DROSHA: variants seen among roughly 807,000 people sequenced by gnomAD.
DROSHA encodes drosha ribonuclease III.
A neutral mutation model predicts 181.9 loss-of-function variants in DROSHA; 56 were observed. That is an observed-to-expected ratio of 0.31 (90% confidence interval 0.25 to 0.38). DROSHA has a LOEUF of 0.38. DROSHA is among the 10% of genes least tolerant of loss of function. DROSHA has a pLI of 1.00. For missense variants in DROSHA, 1,218 were observed against 1,743.5 expected (o/e 0.70, Z 5.37); for synonymous variants, 524 against 591.2 (o/e 0.89, Z 1.65).
chr5:31,449,462 A>C, intron 21 of DROSHA, 43 bp from the exon 22 acceptor site: 1 of 1,537,010 alleles, frequency 6.5e-7, no homozygotes, highest in South Asian at 1.2e-5. Flanking sequence ...AAACAGCATA[A>C]ACTGGGTGCA....
intron 30 of DROSHA, among the ~76,000 whole-genome samples, chr5:31,414,608 G>A (rs1741736980): frequency 6.6e-6 from 1 of 152,170 alleles, no homozygotes. Flanking sequence ...AATTAGAGTG[G>A]ATGACATATA....
Position 31,409,473 on chromosome 5 carries a change from T to A in DROSHA, c.3668-141A>T, listed in dbSNP as rs1436435973. 2.9e-6 allele frequency: 2 copies of A among 684,646 alleles called. No homozygotes were observed. Among genetic ancestry groups the A allele is most frequent in the African/African-American group, 3.6e-5 (2 of 55,078 alleles). 42.4% of individuals were successfully genotyped at this position (684,646 alleles called of 1,614,324 possible). ...TTTATTTTTCAGTGCTACCATTTCA[T>A]CTTCCCCCACTTTTTATCATTAATA... is the stretch of plus-strand genomic sequence containing the variant. On this transcript the variant is annotated intron_variant, in intron 31 of 35. Coordinates refer to ENST00000344624, the MANE Select transcript of DROSHA (RefSeq NM_001382508.1). This position sits in a 1 kb window ranked among gnomAD's most constrained non-coding sequence, Gnocchi z 4.0.
intron 14 of DROSHA, 71 bp downstream of exon 14, chr5:31,486,420 G>C (rs1176918809): frequency 6.7e-7 from 1 of 1,502,132 alleles, no homozygotes. Flanking sequence ...CAAGTTCAAT[G>C]CTTTAAAATA....
chr5:31,476,662 T>C (rs1750400909), intron 16 of DROSHA, among the ~76,000 whole-genome samples: 2 of 152,164 alleles, frequency 1.3e-5, no homozygotes, highest in Non-Finnish European at 2.9e-5. Context: ...AGGTGAAAGG[T>C]ATCTCAAGGA....
intron 17 of DROSHA, 146 bp downstream of exon 17, chr5:31,471,917 A>T: frequency 1.4e-6 from 1 of 689,836 alleles, no homozygotes; most frequent in African/African-American, 1.9e-5. Flanking sequence ...TTTCTTATTT[A>T]CTAAATATTT....
intron 29 of DROSHA, among the ~76,000 whole-genome samples, chr5:31,422,559 T>C (rs1742893613): frequency 6.6e-6 from 1 of 152,106 alleles, no homozygotes; most frequent in Non-Finnish European, 1.5e-5. Flanking sequence ...TTCACACTTC[T>C]CCTAAAACTT....
At chr5:31,488,510 G>A (rs2150040062) in intron 13 of DROSHA, among the ~76,000 whole-genome samples, 1 of 152,070 alleles carries the variant, frequency 6.6e-6, no homozygotes, top group African/African-American at 2.4e-5. Context: ...AAAAATGGAG[G>A]AAAGGGAGCT....
At chr5:31,489,035 G>A (rs1021719094) in intron 13 of DROSHA, 5 of 152,190 alleles carry the variant, frequency 3.3e-5, no homozygotes, top group Non-Finnish European at 5.9e-5. Context: ...CAGGTTGAGG[G>A]TAAAGTATCT....
rs144172931 is a variant in DROSHA, at chr5:31,442,432, C to T, written c.2883-5134G>A. On this transcript the variant is annotated intron_variant, in intron 23 of 35. Transcript: ENST00000344624. Reference sequence around the variant, plus strand: ...TCATTGTTTAGACTTTCTTTAATCACCCTCTTTATAAATACTAGCAGGATC... The same window carrying T: ...TCATTGTTTAGACTTTCTTTAATCATCCTCTTTATAAATACTAGCAGGATC... Among the ~76,000 whole-genome samples, 1,106 of 152,252 alleles carry T rather than the reference C, an allele frequency of 7.3e-3. 10 individuals are homozygous for T. Among genetic ancestry groups the T allele is most frequent in the South Asian group, 0.018 (88 of 4,818 alleles).
In DROSHA at chr5:31,470,985, C is replaced by A. The variant is rs996866746; in HGVS notation, c.2241+1078G>T. ...TGAGAGTGTTATTACTTACATATTT[C>A]TTTTAAAGTTACTTTAATAATTATG... On this transcript the variant is annotated intron_variant, in intron 17 of 35. Coordinates refer to ENST00000344624, the MANE Select transcript of DROSHA (RefSeq NM_001382508.1). The surrounding 1 kb of genome is among the most constrained non-coding windows in gnomAD (Gnocchi z 4.0). Among the ~76,000 whole-genome samples, 1 of 152,180 alleles carries A rather than the reference C, an allele frequency of 6.6e-6. No homozygotes were observed. Among genetic ancestry groups the A allele is most frequent in the Non-Finnish European group, 1.5e-5 (1 of 68,018 alleles).
rs752203707 is a variant in DROSHA, at chr5:31,511,072, C to A, written c.1395G>T (p.Pro465=). Residue 465 remains proline, a synonymous_variant, in exon 9 of 36, where the codon CCG becomes CCT. Transcript: ENST00000344624. ...RQEKAKAARP[P]WEPPKTKLDE... is the part of the protein sequence containing the mutation. ...CGAGCTTCGTCTTTGGAGGTTCCCACGGAGGCCGAGCAGCTTTGGCCTTTT... is the reference window on the plus strand; with the variant it reads ...CGAGCTTCGTCTTTGGAGGTTCCCAAGGAGGCCGAGCAGCTTTGGCCTTTT... 1 of 1,613,960 alleles carries A rather than the reference C, an allele frequency of 6.2e-7. No homozygotes were observed. The highest frequency in any genetic ancestry group is 8.5e-7 in the Non-Finnish European group (1 of 1,179,886).
chr5:31,449,809 A>C (rs1048050552), intron 21 of DROSHA, among the ~76,000 whole-genome samples: 3 of 152,180 alleles, frequency 2.0e-5, no homozygotes, highest in Admixed American at 6.6e-5. Context: ...GGAGCTGTCT[A>C]TCCAGTTGAA....
chr5:31,449,505 AC>A, intron 21 of DROSHA, 86 bp from the exon 22 acceptor site: 1 of 1,416,730 alleles, frequency 7.1e-7, no homozygotes, highest in Non-Finnish European at 9.5e-7. Flanking sequence ...AGGTGGAGGG[AC>A]CACTTTAGCC....
chr5:31,462,659 A>G (rs1383415015), intron 20 of DROSHA, among the ~76,000 whole-genome samples: 1 of 141,620 alleles, frequency 7.1e-6, no homozygotes, highest in Non-Finnish European at 1.5e-5. Flanking sequence ...AAAAGGCTCA[A>G]TGCTTCAGAA....
At chr5:31,449,089 C>T (rs1335320110) in intron 22 of DROSHA, among the ~76,000 whole-genome samples, 192 bp downstream of exon 22, 4 of 151,156 alleles carry the variant, frequency 2.6e-5, no homozygotes, top group Admixed American at 1.3e-4. Context: ...GAGCTGAGAT[C>T]GTGCCACTGC....
intron 3 of DROSHA, 117 bp from the exon 4 acceptor site, chr5:31,529,222 C>T (rs764587825): frequency 6.2e-5 from 50 of 808,636 alleles, no homozygotes; most frequent in Non-Finnish European, 9.2e-5. Context: ...ACTTAGCCTA[C>T]AAACAAAATT....
intron 20 of DROSHA, among the ~76,000 whole-genome samples, chr5:31,454,402 G>A (rs1747394817): frequency 6.6e-6 from 1 of 152,158 alleles, no homozygotes; most frequent in South Asian, 2.1e-4. Flanking sequence ...AAAAGCAGAG[G>A]GGGCAGATTT....
intron 29 of DROSHA, chr5:31,421,933 T>A (rs1742773041): frequency 8.7e-6 from 1 of 115,534 alleles, no homozygotes; most frequent in Non-Finnish European, 1.6e-5. Flanking sequence ...TGTGTGTGTG[T>A]ATATAAATTA....
intron 20 of DROSHA, among the ~76,000 whole-genome samples, chr5:31,452,819 G>C (rs1243280656): frequency 1.3e-5 from 2 of 152,222 alleles, no homozygotes; most frequent in Non-Finnish European, 2.9e-5. Flanking sequence ...TACAATATGT[G>C]TGGAAGACAG....
Sources: allele counts gnomAD v4.1 joint callset (sites outside exome capture counted in the v4.1 genomes callset), GRCh38; gene constraint gnomAD v4.1.1; non-coding constraint Gnocchi (gnomAD v3.1); transcripts MANE v1.5; gene names NCBI Gene and HGNC (gene_info 2026-07-23, HGNC 2026-07-21).